The following TTC28 variants were observed in gnomAD, a reference collection of about 807,000 sequenced individuals.
TTC28 encodes tetratricopeptide repeat domain 28.
Under a neutral mutation model 198.0 loss-of-function variants are expected in TTC28, and 61 were observed. The observed-to-expected ratio is 0.31, with a 90% CI of 0.25 to 0.38. The LOEUF (loss-of-function observed/expected upper bound fraction) is 0.38. Among genes scored for constraint, TTC28 ranks in the 10% least tolerant of loss-of-function variants. TTC28 has a pLI of 1.00. For missense variants in TTC28, 2,678 were observed against 3,164.0 expected (o/e 0.85, Z 3.69); for synonymous variants, 1,171 against 1,297.8 (o/e 0.90, Z 2.10).
chr22:28,542,792 G>A (rs1398373253), intron 2 of TTC28, among the ~76,000 whole-genome samples: 1 of 152,012 alleles, frequency 6.6e-6, no homozygotes, highest in Admixed American at 6.6e-5. Context: ...GCAGTTCTTG[G>A]AGGGAAATGC....
In TTC28 at chr22:28,094,227, T is replaced by C. The variant is rs1002528108; in HGVS notation, c.3785A>G (p.Glu1262Gly). The C allele has an allele frequency of 7.1e-6, 11 of 1,544,770 alleles. No individual in the cohort carries two copies. The highest frequency in any genetic ancestry group is 5.5e-5 in the African/African-American group (4 of 72,688). ...APGAGIVKFHEHYLGENTVEN... is the reference protein window; with the variant it reads ...APGAGIVKFHGHYLGENTVEN... The stretch of plus-strand genomic sequence containing the variant: ...CACTGTGTTCTCACCCAGGTAGTGT[T>C]CATGAAACTTCACAATTCCTGAAGC... The change falls in exon 12 of 23, where the codon GAA (glutamate) becomes GGA (glycine). Residue 1262 changes from glutamate (E) to glycine (G), a missense_variant. Around this residue, in one of 8 missense-constraint regions of TTC28, gnomAD observed 727 missense variants for 861.9 expected, o/e 0.84. Coordinates refer to ENST00000397906, the MANE Select transcript of TTC28 (RefSeq NM_001145418.2).
At chr22:28,672,702 T>C (rs2051908979) in intron 1 of TTC28, among the ~76,000 whole-genome samples, 1 of 152,168 alleles carries the variant, frequency 6.6e-6, no homozygotes, top group Non-Finnish European at 1.5e-5. Context: ...AGGAATTATT[T>C]TGCTAGACAC....
chr22:28,244,075 G>A (rs1415427330), intron 5 of TTC28, among the ~76,000 whole-genome samples: 3 of 152,114 alleles, frequency 2.0e-5, no homozygotes, highest in African/African-American at 7.2e-5. Flanking sequence ...TTTCAGAAAT[G>A]CTAAAATGTG....
intron 2 of TTC28, among the ~76,000 whole-genome samples, chr22:28,467,498 C>T (rs1450653944): frequency 6.6e-6 from 1 of 152,198 alleles, no homozygotes; most frequent in Non-Finnish European, 1.5e-5. Flanking sequence ...CTACCTCCAA[C>T]CAGACACATC....
rs1402395447 is a variant in TTC28 at position 28,332,412 on chromosome 22, GA to G, written c.382-25770del. 3.3e-5 allele frequency among the ~76,000 whole-genome samples: 5 copies of G among 151,474 alleles called. No individual in the cohort carries two copies. In the South Asian group the frequency reaches 6.3e-4, roughly 19 times the overall value. ...TGAATTTCTCACATTAAAAGCCCTT[GA>G]AAAAAAAGTCAAATCATTCTCTTAA... On this transcript the variant is annotated intron_variant, in intron 2 of 22. Coordinates refer to ENST00000397906, the MANE Select transcript of TTC28 (RefSeq NM_001145418.2).
intron 2 of TTC28, among the ~76,000 whole-genome samples, chr22:28,519,161 CAAAGAAGATGACTGAA>C (rs1423312025): frequency 6.6e-6 from 1 of 152,134 alleles, no homozygotes; most frequent in Non-Finnish European, 1.5e-5. Context: ...CGGAAGGTAA[CAAAGAAGATGACTGAA>C]AATTTTTAAC....
At chr22:28,574,410 T>C (rs1277222123) in intron 2 of TTC28, among the ~76,000 whole-genome samples, 1 of 152,100 alleles carries the variant, frequency 6.6e-6, no homozygotes, top group African/African-American at 2.4e-5. Context: ...CACATTTTCT[T>C]TATCCATTCA....
At chr22:28,553,279 G>T (rs2049722975) in intron 2 of TTC28, among the ~76,000 whole-genome samples, 1 of 145,978 alleles carries the variant, frequency 6.9e-6, no homozygotes, top group Non-Finnish European at 1.5e-5. Context: ...CCCTCTGCCT[G>T]GCTGCCCAGT....
intron 2 of TTC28, among the ~76,000 whole-genome samples, chr22:28,386,093 G>A (rs1453043300): frequency 1.3e-5 from 2 of 150,738 alleles, no homozygotes; most frequent in East Asian, 3.9e-4. Context: ...CGGCTAAAAC[G>A]GTGAAACCCC....
intron 12 of TTC28, among the ~76,000 whole-genome samples, chr22:28,068,455 T>C (rs2146763219): frequency 6.6e-6 from 1 of 152,346 alleles, no homozygotes; most frequent in East Asian, 1.9e-4. Flanking sequence ...ATATTTTTAT[T>C]GTTAGAGCTG....
At chr22:28,537,300 AAAT>A (rs2049305773) in intron 2 of TTC28, among the ~76,000 whole-genome samples, 1 of 127,366 alleles carries the variant, frequency 7.9e-6, no homozygotes, top group South Asian at 2.2e-4. Context: ...CTCAAAAATA[AAAT>A]AAAATAAAAT....
chr22:28,093,636 C>T (rs1941880317), intron 12 of TTC28, among the ~76,000 whole-genome samples: 1 of 152,160 alleles, frequency 6.6e-6, no homozygotes, highest in Non-Finnish European at 1.5e-5. Context: ...CTCCTTTCAC[C>T]TCACCCCTCA....
At chr22:28,509,788 G>C (rs902582708) in intron 2 of TTC28, among the ~76,000 whole-genome samples, 1 of 150,974 alleles carries the variant, frequency 6.6e-6, no homozygotes, top group Non-Finnish European at 1.5e-5. Context: ...CCGAAAGCTA[G>C]ATTAATAAAA....
In TTC28 at chr22:28,108,045, C is replaced by G. The variant is rs754418551; in HGVS notation, c.1800G>C (p.Leu600=). 1.3e-5 allele frequency: 20 copies of G among 1,551,470 alleles called. 1 individual carries two copies. The East Asian group carries it at 1.7e-4, about 13-fold the overall frequency. Residue 600 remains leucine, a synonymous_variant, in exon 7 of 23, where the codon CTG becomes CTC. Coordinates refer to ENST00000397906, the MANE Select transcript of TTC28 (RefSeq NM_001145418.2). The part of the protein sequence containing the change: ...IQSEARALSN[L]GNFHCSRGEY... Reference sequence around the variant, plus strand: ...CTCCCCGAGAGCAGTGGAAATTGCCCAGGTTGCTGAGGGCCCGGGCCTCGC... The same window carrying G: ...CTCCCCGAGAGCAGTGGAAATTGCCGAGGTTGCTGAGGGCCCGGGCCTCGC...
At chr22:28,122,978 T>C (rs1423139982) in intron 6 of TTC28, among the ~76,000 whole-genome samples, 1 of 152,188 alleles carries the variant, frequency 6.6e-6, no homozygotes, top group Non-Finnish European at 1.5e-5. Flanking sequence ...AGCGATTTTA[T>C]TGAAATGGGG....
chr22:27,985,307 C>T lies in TTC28; in HGVS notation c.5757G>A (p.Gly1919=), dbSNP rs764768985. 8.4e-6 allele frequency: 13 copies of T among 1,551,584 alleles called. No individual in the cohort carries two copies. The highest frequency in any genetic ancestry group is 1.2e-5 in the South Asian group (1 of 84,026). The change falls in exon 22 of 23, where the codon GGG becomes GGA. Residue 1919 remains glycine (G), a synonymous_variant. Transcript: ENST00000397906. The part of the protein sequence containing the change: ...VGQEEVILKT[G]KQANRRTVHF... Reference sequence around the variant, plus strand: ...GCACAGTCCGTCGATTAGCTTGCTTCCCGGTTTTCAGGATTACTTCCTCCT... The same window carrying T: ...GCACAGTCCGTCGATTAGCTTGCTTTCCGGTTTTCAGGATTACTTCCTCCT...
At chr22:28,119,519 A>G (rs1942728672) in intron 6 of TTC28, among the ~76,000 whole-genome samples, 1 of 152,176 alleles carries the variant, frequency 6.6e-6, no homozygotes, top group Non-Finnish European at 1.5e-5. Flanking sequence ...TGGGGATGGA[A>G]CCCATTTCCT....
intron 2 of TTC28, among the ~76,000 whole-genome samples, chr22:28,380,831 C>G (rs2046483034): frequency 6.6e-6 from 1 of 152,088 alleles, no homozygotes; most frequent in Admixed American, 6.5e-5. Flanking sequence ...GTGCTATTAT[C>G]ACTATTTTTA....
intron 2 of TTC28, among the ~76,000 whole-genome samples, chr22:28,462,962 G>C: frequency 6.6e-6 from 1 of 152,116 alleles, no homozygotes; most frequent in East Asian, 1.9e-4. Context: ...AGAACTGGCA[G>C]AAAGAGGGAC....
Sources: gnomAD v4.1 joint callset for allele counts (sites outside exome capture counted in the v4.1 genomes callset) on GRCh38, gnomAD v4.1.1 for gene constraint, gnomAD v4.1.1 regional missense constraint, MANE v1.5 for transcripts, NCBI Gene and HGNC (gene_info 2026-07-23, HGNC 2026-07-21) for gene names.